The following ATIC variants were observed in gnomAD, a reference collection of about 807,000 sequenced individuals.
ATIC encodes the protein 5-aminoimidazole-4-carboxamide ribonucleotide formyltransferase/IMP cyclohydrolase.
In ATIC, 64 loss-of-function variants were observed where a neutral mutation model predicts 72.5. The ratio of observed to expected loss-of-function variants is 0.88; its 90% CI spans 0.72 to 1.09. The LOEUF (loss-of-function observed/expected upper bound fraction) is 1.09, where lower values mean the gene tolerates loss of function less well. Among genes scored for constraint, ATIC ranks in the 50% least tolerant of loss-of-function variants. ATIC has a pLI of 0.00. For missense variants in ATIC, 787 were observed against 732.4 expected, an observed-to-expected ratio of 1.07 and a Z score of -0.86; for synonymous variants, 281 against 267.1, an observed-to-expected ratio of 1.05 and a Z score of -0.51.
chr2:215,332,640 T>A, intron 8 of ATIC, 133 bp downstream of exon 8: 1 of 1,153,692 alleles, frequency 8.7e-7, no homozygotes, highest in South Asian at 1.6e-5. Flanking sequence ...TTGATAACAG[T>A]ATCAATGTAA....
chr2:215,323,984 A>G (rs1244017487), intron 4 of ATIC, among the ~76,000 whole-genome samples: 1 of 151,960 alleles, frequency 6.6e-6, no homozygotes, highest in Non-Finnish European at 1.5e-5. Context: ...CTGGTCTTGA[A>G]CTTCCAACCT....
At chr2:215,319,117 G>A (rs2052740821) in intron 3 of ATIC, among the ~76,000 whole-genome samples, 1 of 152,072 alleles carries the variant, frequency 6.6e-6, no homozygotes, top group African/African-American at 2.4e-5. Flanking sequence ...CTGGGCTCAA[G>A]CGATCCCCCA....
the ATIC span, chr2:215,364,733 A>G: frequency 1.6e-5 from 11 of 689,280 alleles, no homozygotes; most frequent in East Asian, 1.6e-4. Context: ...CTAGAGCTCT[A>G]TGTCAGCAGT....
chr2:215,330,269 T>G (rs2052876633), intron 7 of ATIC, among the ~76,000 whole-genome samples: 1 of 152,222 alleles, frequency 6.6e-6, no homozygotes, highest in East Asian at 1.9e-4. Flanking sequence ...TCTGTGCCTC[T>G]CGCATAAATT....
chr2:215,363,433 C>G, the ATIC span: 2 of 152,126 alleles, frequency 1.3e-5, no homozygotes, highest in Non-Finnish European at 2.9e-5. Context: ...AAATTCCAAT[C>G]TCCAATTCTC....
chr2:215,348,966 AAAT>A (rs112572552), intron 14 of ATIC, 125 bp from the exon 15 acceptor site: 261 of 681,580 alleles, frequency 3.8e-4, no homozygotes, highest in Middle Eastern at 8.5e-4. Flanking sequence ...AAAAAAAAAA[AAAT>A]AATAATAATA....
At chr2:215,366,112 C>G in the ATIC span, among the ~76,000 whole-genome samples, 1 of 152,042 alleles carries the variant, frequency 6.6e-6, no homozygotes, top group African/African-American at 2.4e-5. Context: ...GCCACCACAC[C>G]TGGCCAATGG....
At chr2:215,317,105 C>A (rs11892429) in intron 2 of ATIC, among the ~76,000 whole-genome samples, 32,892 of 152,072 alleles carry the variant, frequency 0.22, 4,388 homozygotes, top group Non-Finnish European at 0.3. Context: ...TTTTTACACA[C>A]CATTACAACT....
chr2:215,332,657 A>G (rs1449850366), intron 8 of ATIC, 150 bp downstream of exon 8: 1 of 1,036,984 alleles, frequency 9.6e-7, no homozygotes, highest in East Asian at 2.6e-5. Context: ...GTAATAATAT[A>G]AAATCTGATA....
chr2:215,350,383 C>G (rs1343070225), downstream of ATIC, among the ~76,000 whole-genome samples: 1 of 152,120 alleles, frequency 6.6e-6, no homozygotes, highest in Admixed American at 6.5e-5. Flanking sequence ...TCCACCCGCC[C>G]TGGCCTCCCA....
Position 215,319,655 on chromosome 2 carries a change from T to G in ATIC, c.224-10T>G, listed in dbSNP as rs753546199. 64 of 1,602,226 alleles carry G rather than the reference T, an allele frequency of 4.0e-5. No individual in the cohort carries two copies. In the South Asian group the frequency reaches 6.9e-4, roughly 17 times the overall value. ...GAAGCTAATGACTTTGTTTAACTTT[T>G]TTAAATTAGGAATCCTAGCTCGTAA... On this transcript the variant is annotated splice_polypyrimidine_tract_variant and intron_variant, in intron 3 of 15. Transcript: ENST00000236959.
chr2:215,329,094 G>T (rs779571313), intron 7 of ATIC, among the ~76,000 whole-genome samples: 1 of 152,250 alleles, frequency 6.6e-6, no homozygotes. Context: ...AAGACTGCTT[G>T]GCACATTCCC....
At chr2:215,347,546 A>G (rs2053084917) in intron 14 of ATIC, 2 of 483,184 alleles carry the variant, frequency 4.1e-6, no homozygotes, top group East Asian at 4.9e-5. Context: ...TGCTGGATGG[A>G]AAACAGAAGG....
chr2:215,319,773 C>A, intron 4 of ATIC, 42 bp downstream of exon 4: 1 of 1,477,854 alleles, frequency 6.8e-7, no homozygotes, highest in Non-Finnish European at 9.5e-7. Flanking sequence ...TACGAACCAA[C>A]GACAAAGACT....
chr2:215,349,605 G>T lies in ATIC; in HGVS notation c.1729G>T (p.Glu577Ter), dbSNP rs756173162. The T allele has an allele frequency of 4.3e-6, 7 of 1,614,142 alleles. No homozygotes were observed. The highest frequency in any genetic ancestry group is 5.9e-6 in the Non-Finnish European group (7 of 1,180,042). The change falls in exon 16 of 16, where the codon GAA (glutamate) becomes TAA (stop). Residue 577 changes from glutamate to a stop codon, truncating the protein, a stop_gained. Transcript: ENST00000236959. LOFTEE classifies it high-confidence loss of function. The stretch of plus-strand genomic sequence containing the variant: ...CAAAGTTGTGATTGAGGCCTGCGAC[G>T]AACTGGGAATCATCCTCGCTCATAC... The part of the protein sequence containing the change: ...ADKVVIEACD[E>*]LGIILAHTNL...
intron 5 of ATIC, 129 bp from the exon 6 acceptor site, chr2:215,325,858 G>A (rs1039007387): frequency 2.4e-5 from 29 of 1,189,394 alleles, no homozygotes; most frequent in South Asian, 4.0e-5. Context: ...GAGCCACTGC[G>A]CCCAGCTTAT....
At chr2:215,357,193 C>G in the ATIC span, among the ~76,000 whole-genome samples, 3 of 152,216 alleles carry the variant, frequency 2.0e-5, no homozygotes, top group African/African-American at 4.8e-5. Context: ...CCAGCAGTCT[C>G]CTGGCAAAGG....
chr2:215,343,176 A>T (rs1484637160), intron 12 of ATIC, among the ~76,000 whole-genome samples: 1 of 150,444 alleles, frequency 6.6e-6, no homozygotes, highest in Non-Finnish European at 1.5e-5. Context: ...TTTTTTAAAG[A>T]CATGGGATAG....
the ATIC span, chr2:215,365,572 T>A: frequency 4.3e-6 from 7 of 1,613,924 alleles, no homozygotes; most frequent in Admixed American, 5.0e-5. Context: ...GGCCATTTTC[T>A]CCCTGACGGT....
Sources: gnomAD v4.1 joint callset for allele counts (sites outside exome capture counted in the v4.1 genomes callset) on GRCh38, gnomAD v4.1.1 for gene constraint, MANE v1.5 for transcripts, NCBI Gene and HGNC (gene_info 2026-07-23, HGNC 2026-07-21) for gene names.